GRID2: variants seen among roughly 807,000 people sequenced by gnomAD.
GRID2 encodes glutamate ionotropic receptor delta type subunit 2, also known as glutamate receptor ionotropic, delta-2.
GRID2 carries 33 observed loss-of-function variants against 114.8 expected under a neutral mutation model. That is an observed-to-expected ratio of 0.29 (90% CI 0.22 to 0.38). GRID2 has a LOEUF of 0.38. GRID2 is among the 10% of genes least tolerant of loss of function. The probability of loss-of-function intolerance (pLI) is 1.00; values close to 1 mark genes in which losing one functional copy is unlikely to be tolerated. For synonymous variants in GRID2, 505 were observed against 449.9 expected, an observed-to-expected ratio of 1.12 and a Z score of -1.55; for missense variants, 1,184 against 1,257.7, an observed-to-expected ratio of 0.94 and a Z score of 0.89.
At chr4:93,447,236 A>G (rs1052399765) in intron 10 of GRID2, among the ~76,000 whole-genome samples, 3 of 152,024 alleles carry the variant, frequency 2.0e-5, no homozygotes, top group Non-Finnish European at 4.4e-5. Flanking sequence ...AAACGTGTTC[A>G]TCTTTAAACT....
In GRID2 at chr4:93,551,876, T is replaced by C. The variant is rs543984637; in HGVS notation, c.2193+36465T>C. On this transcript the variant is annotated intron_variant, in intron 13 of 15. Coordinates refer to ENST00000282020, the MANE Select transcript of GRID2 (RefSeq NM_001510.4). ...CCTTGTCAGCTGAAATATTTAAATG[T>C]GTTTTTTAATTTTTTTATTATGCTT... Among the ~76,000 whole-genome samples, 18 of 152,324 alleles carry C rather than the reference T, an allele frequency of 1.2e-4. 1 individual carries two copies. Among genetic ancestry groups the C allele is most frequent in the Admixed American group, 8.5e-4 (13 of 15,292 alleles).
intron 1 of GRID2, among the ~76,000 whole-genome samples, chr4:92,562,480 T>C (rs909816806): frequency 3.9e-5 from 6 of 152,166 alleles, no homozygotes; most frequent in Non-Finnish European, 7.4e-5. Flanking sequence ...TTCATTACAG[T>C]TTATGCAAAC....
At chr4:93,539,473 C>T (rs901789219) in intron 13 of GRID2, among the ~76,000 whole-genome samples, 1 of 151,960 alleles carries the variant, frequency 6.6e-6, no homozygotes, top group Admixed American at 6.6e-5. Flanking sequence ...TCATTTCTAT[C>T]GATATGGTAA....
chr4:93,406,201 A>G (rs1053209866), intron 9 of GRID2, among the ~76,000 whole-genome samples: 18 of 152,166 alleles, frequency 1.2e-4, no homozygotes, highest in African/African-American at 4.1e-4. Flanking sequence ...AACTGAGCCA[A>G]GTATGGAAAA....
At chr4:93,131,316 G>A (rs1414031404) in intron 4 of GRID2, among the ~76,000 whole-genome samples, 1 of 151,236 alleles carries the variant, frequency 6.6e-6, no homozygotes, top group Non-Finnish European at 1.5e-5. Flanking sequence ...TCCATGCCCA[G>A]CTAATTTTTG....
chr4:93,705,293 T>C (rs898281972), intron 14 of GRID2, among the ~76,000 whole-genome samples: 2 of 152,064 alleles, frequency 1.3e-5, no homozygotes, highest in African/African-American at 2.4e-5. Flanking sequence ...TGCCTAGTTT[T>C]TGTTTTGTTG....
chr4:93,649,714 GAGAGATGAATGGGCC>G (rs1722416781), intron 14 of GRID2, among the ~76,000 whole-genome samples: 1 of 152,086 alleles, frequency 6.6e-6, no homozygotes, highest in Non-Finnish European at 1.5e-5. Context: ...TCTCCAAGAG[GAGAGATGAATGGGCC>G]AGAGTCATTC....
chr4:93,068,158 C>T (rs1257181958), intron 2 of GRID2, among the ~76,000 whole-genome samples: 3 of 151,980 alleles, frequency 2.0e-5, no homozygotes, highest in Non-Finnish European at 2.9e-5. Flanking sequence ...TTATGCTAAG[C>T]TATACTTTAG....
chr4:93,177,235 T>C (rs935384639), intron 4 of GRID2, among the ~76,000 whole-genome samples: 1 of 150,256 alleles, frequency 6.7e-6, no homozygotes, highest in African/African-American at 2.5e-5. Flanking sequence ...TTGAAAAAAC[T>C]CTTTTTTTTT....
intron 13 of GRID2, among the ~76,000 whole-genome samples, chr4:93,575,878 C>T (rs1026044517): frequency 3.3e-5 from 5 of 152,110 alleles, no homozygotes; most frequent in Non-Finnish European, 5.9e-5. Flanking sequence ...ACTGCATTCT[C>T]ACAAGTTAGT....
chr4:93,041,742 G>A (rs1725535371), intron 2 of GRID2, among the ~76,000 whole-genome samples: 1 of 152,052 alleles, frequency 6.6e-6, no homozygotes, highest in African/African-American at 2.4e-5. Flanking sequence ...TACATAATCA[G>A]TAATGAAATA....
intron 1 of GRID2, among the ~76,000 whole-genome samples, chr4:93,786,048 T>TA (rs1299451691): frequency 6.6e-6 from 1 of 152,162 alleles, no homozygotes; most frequent in Non-Finnish European, 1.5e-5. Flanking sequence ...AAAAACTTAC[T>TA]AGCTAAAAGA....
chr4:92,406,697 C>T (rs1191874070), intron 1 of GRID2, among the ~76,000 whole-genome samples: 1 of 150,764 alleles, frequency 6.6e-6, no homozygotes, highest in Admixed American at 6.7e-5. Context: ...GCCCATGAAC[C>T]CCTTCTTTTC....
intron 13 of GRID2, among the ~76,000 whole-genome samples, chr4:93,574,755 T>C (rs534492613): frequency 6.6e-6 from 1 of 152,270 alleles, no homozygotes; most frequent in African/African-American, 2.4e-5. Context: ...AAATATTAAG[T>C]AAGATAACGA....
intron 1 of GRID2, among the ~76,000 whole-genome samples, chr4:92,494,717 G>A (rs963470971): frequency 6.6e-6 from 1 of 151,930 alleles, no homozygotes; most frequent in Non-Finnish European, 1.5e-5. Flanking sequence ...CTTTACATTT[G>A]TAGTATGTTT....
chr4:93,342,025 TC>T (rs1263583225), intron 8 of GRID2, among the ~76,000 whole-genome samples: 1 of 152,178 alleles, frequency 6.6e-6, no homozygotes, highest in Non-Finnish European at 1.5e-5. Context: ...ATTATCTTGG[TC>T]CAAGCTATGC....
intron 3 of GRID2, among the ~76,000 whole-genome samples, chr4:93,092,474 C>T (rs1730873954): frequency 6.6e-6 from 1 of 152,010 alleles, no homozygotes; most frequent in Non-Finnish European, 1.5e-5. Context: ...TACAAGGGGT[C>T]AACTTTCAGC....
intron 3 of GRID2, among the ~76,000 whole-genome samples, chr4:93,086,977 T>G (rs1301945973): frequency 6.6e-6 from 1 of 152,054 alleles, no homozygotes; most frequent in African/African-American, 2.4e-5. Context: ...GTAACTTTAT[T>G]TAAGCGGGGA....
chr4:92,677,748 C>A (rs1733448199), intron 2 of GRID2, among the ~76,000 whole-genome samples: 1 of 152,048 alleles, frequency 6.6e-6, no homozygotes, highest in South Asian at 2.1e-4. Context: ...AGGATTAGAT[C>A]ACTTCTACCC....
Sources: allele counts gnomAD v4.1 joint callset (sites outside exome capture counted in the v4.1 genomes callset), GRCh38; gene constraint gnomAD v4.1.1; transcripts MANE v1.5; gene names NCBI Gene and HGNC (gene_info 2026-07-23, HGNC 2026-07-21).